Variants in QNG1 observed in about 807,000 individuals in gnomAD.
QNG1 encodes the protein queuosine 5'-phosphate N-glycosylase/hydrolase.
chr9:83,956,058 T>C, the QNG1 span: 1 of 1,141,792 alleles, frequency 8.8e-7, no homozygotes, highest in Admixed American at 2.1e-5. Flanking sequence ...AGGTTCGCTT[T>C]CCATTATTCC....
the QNG1 span, among the ~76,000 whole-genome samples, chr9:83,941,733 T>C: frequency 1.3e-5 from 2 of 151,716 alleles, no homozygotes; most frequent in African/African-American, 2.4e-5. Context: ...GCCAACATGG[T>C]AAAACCTTGT....
the QNG1 span, among the ~76,000 whole-genome samples, chr9:83,947,352 TTTTA>T: frequency 1.3e-5 from 2 of 152,220 alleles, no homozygotes; most frequent in Non-Finnish European, 2.9e-5. Flanking sequence ...CTACAGATTC[TTTTA>T]TTTACTAAGA....
chr9:83,951,434 C>T, the QNG1 span, among the ~76,000 whole-genome samples: 1 of 152,120 alleles, frequency 6.6e-6, no homozygotes, highest in Admixed American at 6.5e-5. Context: ...GTGGTGCGCA[C>T]CTCTAATCCC....
chr9:83,945,229 C>A, the QNG1 span, among the ~76,000 whole-genome samples: 1 of 151,432 alleles, frequency 6.6e-6, no homozygotes, highest in Admixed American at 6.6e-5. Flanking sequence ...CATGGCATAA[C>A]TCCAACTCTA....
the QNG1 span, chr9:83,938,661 T>C: frequency 2.1e-5 from 3 of 143,398 alleles, no homozygotes; most frequent in Non-Finnish European, 3.1e-5. Flanking sequence ...GTCAACTACA[T>C]GTCCACAGGG....
At chr9:83,941,694 C>T in the QNG1 span, among the ~76,000 whole-genome samples, 2 of 151,790 alleles carry the variant, frequency 1.3e-5, no homozygotes, top group Admixed American at 1.3e-4. Context: ...GGGTGGATCA[C>T]CTGAGGTTAG....
the QNG1 span, among the ~76,000 whole-genome samples, chr9:83,949,592 G>A: frequency 1.3e-5 from 2 of 152,100 alleles, no homozygotes; most frequent in African/African-American, 2.4e-5. Flanking sequence ...GTTGTGATGA[G>A]CCGAGTTCAC....
the QNG1 span, chr9:83,956,847 T>G: frequency 4.3e-6 from 1 of 230,900 alleles, no homozygotes; most frequent in Non-Finnish European, 8.4e-6. Flanking sequence ...CGGCCGTGAG[T>G]TGCCCACCCT....
At chr9:83,955,547 A>G in the QNG1 span, 1 of 1,614,238 alleles carries the variant, frequency 6.2e-7, no homozygotes, top group East Asian at 2.2e-5. Flanking sequence ...CTCTTCTACT[A>G]AAGGCATGGA....
the QNG1 span, among the ~76,000 whole-genome samples, chr9:83,952,726 C>T: frequency 1.3e-4 from 19 of 144,304 alleles, no homozygotes; most frequent in African/African-American, 3.6e-4. Context: ...ACCCAGGAGG[C>T]GGAGCTTGCA....
chr9:83,949,746 T>C, the QNG1 span, among the ~76,000 whole-genome samples: 3 of 151,778 alleles, frequency 2.0e-5, no homozygotes, highest in Admixed American at 2.0e-4. Context: ...ATCAAGTTTA[T>C]TATAATAGAT....
At chr9:83,945,609 T>G in the QNG1 span, among the ~76,000 whole-genome samples, 2 of 152,050 alleles carry the variant, frequency 1.3e-5, no homozygotes, top group African/African-American at 4.8e-5. Context: ...TTATTATTAT[T>G]ATTATTTTTT....
At chr9:83,956,758 T>C in the QNG1 span, 1 of 392,406 alleles carries the variant, frequency 2.5e-6, no homozygotes, top group South Asian at 8.2e-5. Context: ...AGCGGTCCCG[T>C]TCACGCCCTC....
At chr9:83,953,857 A>C in the QNG1 span, 1 of 1,485,652 alleles carries the variant, frequency 6.7e-7, no homozygotes, top group Non-Finnish European at 9.2e-7. Context: ...TGTATGAAAA[A>C]GAAAACACAA....
At chr9:83,955,513 G>T in the QNG1 span, 1 of 1,614,124 alleles carries the variant, frequency 6.2e-7, no homozygotes, top group Non-Finnish European at 8.5e-7. Context: ...GAATTTTCCC[G>T]GTTTCATTGA....
At chr9:83,948,916 C>G in the QNG1 span, among the ~76,000 whole-genome samples, 1 of 152,010 alleles carries the variant, frequency 6.6e-6, no homozygotes, top group South Asian at 2.1e-4. Flanking sequence ...AGAGTCATCA[C>G]CACTCCCTAA....
the QNG1 span, chr9:83,953,810 G>A: frequency 1.3e-6 from 2 of 1,549,072 alleles, no homozygotes; most frequent in Admixed American, 3.9e-5. Context: ...GCCTGTGAGG[G>A]TCCAACAAAA....
chr9:83,956,357 C>A, the QNG1 span: 2 of 1,610,562 alleles, frequency 1.2e-6, no homozygotes, highest in Non-Finnish European at 1.7e-6. Context: ...GGGCTTTCCA[C>A]CCCTCCACGC....
the QNG1 span, chr9:83,955,676 C>G: frequency 6.3e-7 from 1 of 1,592,742 alleles, no homozygotes; most frequent in Non-Finnish European, 8.6e-7. Context: ...GGACCAATGT[C>G]ATACTTCCAT....
Sources: gnomAD v4.1 joint callset for allele counts (sites outside exome capture counted in the v4.1 genomes callset) on GRCh38, gnomAD v4.1.1 for gene constraint, MANE v1.5 for transcripts, NCBI Gene and HGNC (gene_info 2026-07-23, HGNC 2026-07-21) for gene names.